The following ACOT11 variants were observed in gnomAD, a reference collection of about 807,000 sequenced individuals.
ACOT11 encodes acyl-coenzyme A thioesterase 11.
A neutral mutation model predicts 77.5 loss-of-function variants in ACOT11; 69 were observed. The ratio of observed to expected loss-of-function variants is 0.89; its 90% CI spans 0.73 to 1.09. The LOEUF (loss-of-function observed/expected upper bound fraction) is 1.09. Ranked by LOEUF, ACOT11 falls within the 50% of genes least tolerant of loss-of-function variation. The pLI is 0.00. For synonymous variants in ACOT11, 279 were observed against 313.0 expected (o/e 0.89, Z 1.15); for missense variants, 766 against 813.7 (o/e 0.94, Z 0.71).
intron 15 of ACOT11, among the ~76,000 whole-genome samples, chr1:54,623,812 G>A (rs1012760666): frequency 3.9e-5 from 6 of 152,148 alleles, no homozygotes; most frequent in Non-Finnish European, 5.9e-5. Flanking sequence ...ATTTCCTTCC[G>A]TGTAAAAGGA....
At chr1:54,573,163 G>A (rs911437953) in intron 1 of ACOT11, 24 of 985,320 alleles carry the variant, frequency 2.4e-5, no homozygotes, top group Non-Finnish European at 2.7e-5. Context: ...AGGAAGAGCC[G>A]GTGGATGTCA....
At chr1:54,552,578 A>G (rs960467473) in intron 1 of ACOT11, among the ~76,000 whole-genome samples, 49 of 151,256 alleles carry the variant, frequency 3.2e-4, no homozygotes, top group African/African-American at 1.1e-3. Context: ...TGCAACCTCC[A>G]CCTCTCTGGT....
chr1:54,609,222 G>A lies in ACOT11; in HGVS notation c.*110G>A, dbSNP rs1053179488. The A allele has an allele frequency of 3.8e-6, 6 of 1,590,584 alleles. No homozygotes were observed. In the African/African-American group the frequency reaches 6.7e-5, roughly 18 times the overall value. ...CCTTTATTTCTTCCTGCCTCCCCGT[G>A]GGAAGCCTCCGCCCTGAGGTCCGCT... On this transcript the variant is annotated 3_prime_UTR_variant, in exon 16 of 16. Coordinates refer to ENST00000343744, the MANE Select transcript of ACOT11 (RefSeq NM_147161.4).
At chr1:54,559,409 A>G (rs1246170409) in intron 1 of ACOT11, among the ~76,000 whole-genome samples, 1 of 152,174 alleles carries the variant, frequency 6.6e-6, no homozygotes, top group Non-Finnish European at 1.5e-5. Flanking sequence ...AGAGCTGCTC[A>G]TCACTCGGCC....
chr1:54,613,205 C>A (rs1644137038), downstream of ACOT11, among the ~76,000 whole-genome samples: 1 of 151,944 alleles, frequency 6.6e-6, no homozygotes, highest in South Asian at 2.1e-4. Context: ...CATGGAGAAA[C>A]CCTGTCTCTA....
chr1:54,608,265 G>A (rs981259856), intron 15 of ACOT11, among the ~76,000 whole-genome samples, 197 bp downstream of exon 15: 3 of 152,156 alleles, frequency 2.0e-5, no homozygotes. Context: ...AGAGGCCACT[G>A]CATGGTCTTG....
At chr1:54,623,169 C>G in intron 15 of ACOT11, 1 of 737,282 alleles carries the variant, frequency 1.4e-6, no homozygotes, top group Non-Finnish European at 2.3e-6. Flanking sequence ...AAGAGCAAAA[C>G]TCCGTCTAAA....
intron 1 of ACOT11, among the ~76,000 whole-genome samples, chr1:54,576,004 A>G (rs1398555856): frequency 6.6e-6 from 1 of 152,224 alleles, no homozygotes; most frequent in Non-Finnish European, 1.5e-5. Context: ...AGAAAGTTTC[A>G]TAATCAAAAG....
intron 1 of ACOT11, among the ~76,000 whole-genome samples, chr1:54,578,524 T>G (rs1008323223): frequency 6.6e-6 from 1 of 152,226 alleles, no homozygotes; most frequent in Non-Finnish European, 1.5e-5. Flanking sequence ...TAAATGCAGA[T>G]TCACAGGCAG....
chr1:54,584,892 C>T lies in ACOT11; in HGVS notation c.241+30C>T. The T allele has an allele frequency of 6.3e-7, 1 of 1,590,704 alleles. No homozygotes were observed. The highest frequency in any genetic ancestry group is 1.3e-5 in the African/African-American group (1 of 74,516). On this transcript the variant is annotated intron_variant, in intron 2 of 15. Transcript: ENST00000343744. The surrounding 1 kb of genome is among the most constrained non-coding windows in gnomAD (Gnocchi z 6.3). Reference sequence around the variant, plus strand: ...GGCTGCGCTCCCCATGGTTCCCTACCTGCCCCACAGGCCCAGAGCAGGGGC... The same window carrying T: ...GGCTGCGCTCCCCATGGTTCCCTACTTGCCCCACAGGCCCAGAGCAGGGGC...
At chr1:54,618,697 A>C (rs1644199451) in intron 15 of ACOT11, among the ~76,000 whole-genome samples, 1 of 152,014 alleles carries the variant, frequency 6.6e-6, no homozygotes, top group African/African-American at 2.4e-5. Flanking sequence ...AGGGAAGGGG[A>C]CATGGAGTCA....
Position 54,610,212 on chromosome 1 carries a change from G to A in ACOT11, c.*1100G>A, listed in dbSNP as rs547175365. 16 of 1,436,010 alleles carry A rather than the reference G, an allele frequency of 1.1e-5. No individual in the cohort carries two copies. The highest frequency in any genetic ancestry group is 1.5e-5 in the Non-Finnish European group (16 of 1,100,566). 89.0% of individuals were successfully genotyped at this position (1,436,010 alleles called of 1,614,324 possible). A position where few individuals can be genotyped will look rare whatever the true frequency, so the allele number is the denominator to read the frequency against. On this transcript the variant is annotated 3_prime_UTR_variant, in exon 16 of 16. Coordinates refer to ENST00000343744, the MANE Select transcript of ACOT11 (RefSeq NM_147161.4). ...GCCTGCAGCAATGTAGCTGAGGACT[G>A]GTCTGAAGGCCAGGAGCCCTGTGCT... is the stretch of plus-strand genomic sequence containing the variant.
At chr1:54,625,857 T>C (rs917789893) in intron 15 of ACOT11, among the ~76,000 whole-genome samples, 6 of 144,820 alleles carry the variant, frequency 4.1e-5, no homozygotes, top group African/African-American at 1.5e-4. Flanking sequence ...GAGGATGGCT[T>C]GAATCTGGGA....
intron 1 of ACOT11, among the ~76,000 whole-genome samples, chr1:54,564,706 A>G (rs1653674134): frequency 6.6e-6 from 1 of 152,026 alleles, no homozygotes; most frequent in African/African-American, 2.4e-5. Context: ...GGTGGGAGGG[A>G]CAAGTGGGAG....
At chr1:54,551,062 C>T (rs1249267695) in intron 1 of ACOT11, among the ~76,000 whole-genome samples, 1 of 150,004 alleles carries the variant, frequency 6.7e-6, no homozygotes, top group East Asian at 1.9e-4. Flanking sequence ...ATTGCTTGAA[C>T]CCAGGAGGCA....
intron 15 of ACOT11, chr1:54,616,228 T>C: frequency 1.4e-6 from 2 of 1,477,984 alleles, no homozygotes; most frequent in Non-Finnish European, 1.9e-6. Flanking sequence ...GAAAACTTCT[T>C]TCTCATCATA....
downstream of ACOT11, chr1:54,612,374 G>A (rs1200029176): frequency 1.2e-5 from 9 of 739,642 alleles, no homozygotes; most frequent in South Asian, 5.1e-5. Context: ...CATGAGCACT[G>A]GCAGGGGTTG....
chr1:54,611,961 G>A (rs72641105), downstream of ACOT11, among the ~76,000 whole-genome samples: 8,039 of 152,086 alleles, frequency 0.053, 412 homozygotes, highest in East Asian at 0.22. Flanking sequence ...CAGGAGGGAG[G>A]GGGAGCCTGT....
At chr1:54,583,079 A>C (rs1033479085) in intron 1 of ACOT11, among the ~76,000 whole-genome samples, 1 of 152,086 alleles carries the variant, frequency 6.6e-6, no homozygotes, top group Non-Finnish European at 1.5e-5. Flanking sequence ...GGCAGTGGTT[A>C]CCATGGCGAT....
Sources: allele counts gnomAD v4.1 joint callset (sites outside exome capture counted in the v4.1 genomes callset), GRCh38; gene constraint gnomAD v4.1.1; non-coding constraint Gnocchi (gnomAD v3.1); transcripts MANE v1.5; gene names NCBI Gene and HGNC (gene_info 2026-07-23, HGNC 2026-07-21).